HAPLN1: variants seen among roughly 807,000 people sequenced by gnomAD.
The protein encoded by HAPLN1 is Cartilage link protein.
HAPLN1 carries 13 observed loss-of-function variants against 36.5 expected under a neutral mutation model. The observed-to-expected ratio is 0.36, with a 90% CI of 0.23 to 0.57. The LOEUF (loss-of-function observed/expected upper bound fraction) is 0.57. Among genes scored for constraint, HAPLN1 ranks in the 20% least tolerant of loss-of-function variants. HAPLN1 has a pLI of 0.83. For missense variants in HAPLN1, 407 were observed against 439.7 expected (o/e 0.93, Z 0.66); for synonymous variants, 202 against 169.8 (o/e 1.19, Z -1.48).
At chr5:83,655,479 C>T (rs546872706) in intron 2 of HAPLN1, among the ~76,000 whole-genome samples, 2 of 151,386 alleles carry the variant, frequency 1.3e-5, no homozygotes, top group African/African-American at 4.9e-5. Context: ...ACAAGCCTAT[C>T]GAAATGTATA....
intron 1 of HAPLN1, among the ~76,000 whole-genome samples, chr5:83,691,024 T>G (rs1245086996): frequency 6.6e-6 from 1 of 151,914 alleles, no homozygotes; most frequent in African/African-American, 2.4e-5. Flanking sequence ...AAAAAGATAA[T>G]GGACAAAATA....
intron 1 of HAPLN1, among the ~76,000 whole-genome samples, chr5:83,677,366 C>A (rs189788553): frequency 6.6e-6 from 1 of 152,272 alleles, no homozygotes; most frequent in African/African-American, 2.4e-5. Flanking sequence ...CGAGTGCTGT[C>A]GGCTCTCTCT....
intron 1 of HAPLN1, chr5:83,682,477 T>C (rs1354444815): frequency 1.3e-5 from 2 of 152,172 alleles, no homozygotes; most frequent in East Asian, 3.8e-4. Flanking sequence ...AAAATAAAAA[T>C]AATATATTAA....
chr5:83,689,960 T>G (rs1751232352), intron 1 of HAPLN1, among the ~76,000 whole-genome samples: 1 of 152,140 alleles, frequency 6.6e-6, no homozygotes, highest in South Asian at 2.1e-4. Context: ...ATTCATTCTT[T>G]CTTAGCTTCA....
chr5:83,666,190 C>A (rs1047643041), intron 2 of HAPLN1, among the ~76,000 whole-genome samples: 2 of 152,128 alleles, frequency 1.3e-5, no homozygotes, highest in African/African-American at 2.4e-5. Context: ...TAATTTTCCA[C>A]TTTCCACTTA....
chr5:83,689,621 T>C (rs943160715), intron 1 of HAPLN1, among the ~76,000 whole-genome samples: 5 of 152,098 alleles, frequency 3.3e-5, no homozygotes, highest in Non-Finnish European at 7.4e-5. Context: ...TGGGGTGATT[T>C]TAGACTTGAC....
chr5:83,686,135 A>G (rs970831644), intron 1 of HAPLN1: 5 of 122,688 alleles, frequency 4.1e-5, no homozygotes, highest in African/African-American at 1.6e-4. Flanking sequence ...GAGATATAAA[A>G]TGTAGCCAAA....
At chr5:83,687,701 G>C (rs528700920) in intron 1 of HAPLN1, among the ~76,000 whole-genome samples, 3 of 152,188 alleles carry the variant, frequency 2.0e-5, no homozygotes, top group African/African-American at 7.2e-5. Context: ...CTTCATAACT[G>C]TTTTGCAAGT....
Position 83,644,623 on chromosome 5 carries a change from A to G in HAPLN1, c.515T>C (p.Leu172Pro), listed in dbSNP as rs1749801665. The change falls in exon 4 of 5, where the codon CTC (leucine) becomes CCC (proline). Residue 172 changes from leucine (L) to proline (P), a missense_variant. By Grantham distance (98) the Leu-to-Pro change is moderately conservative. Transcript: ENST00000274341. ...PYFPRLGRYN[L>P]NFHEAQQACL... ...CGCCTGCTGCGCCTCGTGAAAATTG[A>G]GATTGTAGCGCCCCAGTCGTGGAAA... 6.6e-7 allele frequency: 1 copy of G among 1,506,210 alleles called. No homozygotes were observed. The allele number at this position is 1,506,210 out of a possible 1,614,324, so 93.3% of individuals were successfully genotyped here. A position where few individuals can be genotyped will look rare whatever the true frequency, so the allele number is the denominator to read the frequency against.
At chr5:83,673,984 AAAT>A (rs1750795533) in intron 1 of HAPLN1, 1 of 152,646 alleles carries the variant, frequency 6.6e-6, no homozygotes, top group South Asian at 2.1e-4. Context: ...AAGCCAGGGC[AAAT>A]AATATTTGCA....
At chr5:83,718,008 G>A (rs1345194074) in intron 1 of HAPLN1, among the ~76,000 whole-genome samples, 1 of 152,156 alleles carries the variant, frequency 6.6e-6, no homozygotes, top group African/African-American at 2.4e-5. Flanking sequence ...AAACCTTAGA[G>A]AAATTTATTT....
intron 1 of HAPLN1, among the ~76,000 whole-genome samples, chr5:83,689,122 A>G (rs889545357): frequency 1.3e-5 from 2 of 152,174 alleles, no homozygotes; most frequent in Admixed American, 6.6e-5. Flanking sequence ...CCATTGACCA[A>G]TCAATCCCAA....
intron 1 of HAPLN1, among the ~76,000 whole-genome samples, chr5:83,694,590 ACAAT>A (rs1171824036): frequency 1.3e-5 from 2 of 152,200 alleles, no homozygotes; most frequent in East Asian, 3.9e-4. Flanking sequence ...ATAGAAATAA[ACAAT>A]AAGAAAATAT....
At position 83,656,327 on chromosome 5, in the gene HAPLN1, C is replaced by CAAAAAAAAAAAAAAAAAAA. The variant is rs35902132; in HGVS notation, c.101-3522_101-3504dup. Among the ~76,000 whole-genome samples, 4 of 59,802 alleles carry CAAAAAAAAAAAAAAAAAAA rather than the reference C, an allele frequency of 6.7e-5. 1 individual carries two copies. The highest frequency in any genetic ancestry group is 1.2e-4 in the Non-Finnish European group (4 of 34,486). 39.2% of individuals were successfully genotyped at this position (59,802 alleles called of 152,430 possible). On this transcript the variant is annotated intron_variant, in intron 2 of 4. Coordinates refer to ENST00000274341, the MANE Select transcript of HAPLN1 (RefSeq NM_001884.4). ...TGGGCAACACAGAAAGACTACGTCTCAAAAAAAAAAAAAAAAAAAAAAAGA... is the reference window on the plus strand; with the variant it reads ...TGGGCAACACAGAAAGACTACGTCTCAAAAAAAAAAAAAAAAAAAAAAAAAAAAAAAAAAAAAAAAAAGA...
intron 2 of HAPLN1, among the ~76,000 whole-genome samples, chr5:83,658,803 C>T (rs1163680526): frequency 6.6e-6 from 1 of 152,132 alleles, no homozygotes; most frequent in Non-Finnish European, 1.5e-5. Flanking sequence ...CCTTCGCGTC[C>T]AGCCTTTACT....
chr5:83,644,385 G>A lies in HAPLN1; in HGVS notation c.753C>T (p.Phe251=), dbSNP rs141242336. 1,379 of 1,571,230 alleles carry A rather than the reference G, an allele frequency of 8.8e-4. 4 individuals carry two copies. The highest frequency in any genetic ancestry group is 3.2e-3 in the South Asian group (271 of 83,912). Residue 251 remains phenylalanine, a synonymous_variant, in exon 4 of 5, where the codon TTC becomes TTT. Coordinates refer to ENST00000274341, the MANE Select transcript of HAPLN1 (RefSeq NM_001884.4). ...WDKDKSRYDV[F]CFTSNFNGRF... ...TACCATTGAAATTGGATGTAAAACA[G>A]AAAACATCATATCTGCTTTTATCTT...
chr5:83,672,564 A>G (rs960854626), intron 2 of HAPLN1, among the ~76,000 whole-genome samples: 2 of 152,236 alleles, frequency 1.3e-5, no homozygotes, highest in East Asian at 1.9e-4. Context: ...TTTGACCTTC[A>G]CAAGTCATAC....
At chr5:83,700,405 A>T (rs1751480937) in intron 1 of HAPLN1, among the ~76,000 whole-genome samples, 1 of 152,118 alleles carries the variant, frequency 6.6e-6, no homozygotes, top group Non-Finnish European at 1.5e-5. Context: ...ATCCATCATG[A>T]TTCAAAATTT....
intron 3 of HAPLN1, among the ~76,000 whole-genome samples, chr5:83,645,475 C>CTTTTTGTTTTTTT (rs1749837661): frequency 1.3e-5 from 1 of 74,370 alleles, no homozygotes; most frequent in Non-Finnish European, 2.5e-5. Context: ...CTTTTTCTTT[C>CTTTTTGTTTTTTT]TTTTTTTTTT....
Sources: gnomAD v4.1 joint callset for allele counts (sites outside exome capture counted in the v4.1 genomes callset) on GRCh38, gnomAD v4.1.1 for gene constraint, MANE v1.5 for transcripts, NCBI Gene and HGNC (gene_info 2026-07-23, HGNC 2026-07-21) for gene names.